Variants in CD5 observed in about 807,000 individuals in gnomAD.
CD5 encodes CD5 molecule.
CD5 carries 36 observed loss-of-function variants against 60.3 expected under a neutral mutation model. The ratio of observed to expected loss-of-function variants is 0.60; its 90% confidence interval spans 0.46 to 0.79. The LOEUF (loss-of-function observed/expected upper bound fraction) is 0.79, where lower values mean the gene tolerates loss of function less well. Ranked by LOEUF, CD5 falls within the 30% of genes least tolerant of loss-of-function variation. The pLI, the probability that CD5 is intolerant of heterozygous loss-of-function variation, is 0.00. For missense variants in CD5, 540 were observed against 630.6 expected (o/e 0.86, Z 1.54); for synonymous variants, 230 against 257.6 (o/e 0.89, Z 1.03).
Position 61,102,588 on chromosome 11 carries a change from GCCA to G in CD5, c.31_33del (p.Thr11del), listed in dbSNP as rs1565181714. The G allele has an allele frequency of 6.3e-7, 1 of 1,593,312 alleles. No individual in the cohort carries two copies. Among genetic ancestry groups the G allele is most frequent in the Admixed American group, 1.7e-5 (1 of 57,408 alleles). On this transcript the variant is annotated inframe_deletion, in exon 1 of 11. Coordinates refer to ENST00000347785, the MANE Select transcript of CD5 (RefSeq NM_014207.4). Reference sequence around the variant, plus strand: ...GCCCATGGGGTCTCTGCAACCGCTGGCCACCTTGTACCTGCTGGGGATGCTGGG... The same window carrying G: ...GCCCATGGGGTCTCTGCAACCGCTGGCCTTGTACCTGCTGGGGATGCTGGG...
At chr11:61,097,194 T>A in the CD5 span, among the ~76,000 whole-genome samples, 7 of 152,252 alleles carry the variant, frequency 4.6e-5, no homozygotes, top group Admixed American at 6.5e-5. Flanking sequence ...TGTCACTTCA[T>A]GTTATGTATG....
At chr11:61,096,268 C>G in the CD5 span, among the ~76,000 whole-genome samples, 1 of 152,238 alleles carries the variant, frequency 6.6e-6, no homozygotes, top group Non-Finnish European at 1.5e-5. Context: ...CAAGGTGATT[C>G]AGAACAAAAG....
chr11:61,101,660 TCACA>T (rs1020877395), upstream of CD5, among the ~76,000 whole-genome samples: 1 of 133,216 alleles, frequency 7.5e-6, no homozygotes, highest in South Asian at 2.4e-4. Flanking sequence ...AACATGGAGA[TCACA>T]CACACATCAA....
At position 61,121,767 on chromosome 11, in the gene CD5, G is replaced by C; in HGVS notation, c.962G>C (p.Cys321Ser). 2 of 1,612,402 alleles carry C rather than the reference G, an allele frequency of 1.2e-6. No homozygotes were observed. Among genetic ancestry groups the C allele is most frequent in the Non-Finnish European group, 1.7e-6 (2 of 1,178,826 alleles). ...GAGGAGGTGTGCCGGGAGCAGCAGT[G>C]TGGCAGCGTCAACTCCTATCGAGTG... The part of the protein sequence containing the change: ...RWEEVCREQQ[C>S]GSVNSYRVLD... Residue 321 changes from cysteine (C) to serine (S), a missense_variant, in exon 6 of 11, where the codon TGT becomes TCT. By Grantham distance (112) the Cys-to-Ser change is moderately radical. Transcript: ENST00000347785.
chr11:61,121,891 G>A lies in CD5; in HGVS notation c.1086G>A (p.Lys362=), dbSNP rs1861065301. The A allele has an allele frequency of 4.5e-6, 7 of 1,545,048 alleles. No homozygotes were observed. Among genetic ancestry groups the A allele is most frequent in the South Asian group, 1.2e-5 (1 of 81,752 alleles). Residue 362 remains lysine, a synonymous_variant, in exon 6 of 11, where the codon AAG becomes AAA. Coordinates refer to ENST00000347785, the MANE Select transcript of CD5 (RefSeq NM_014207.4). ...GGGAGAGAAATTCCTACTGCAAGAA[G>A]GTGTTTGTCACATGTGAGTTGGCCA... ...ELWERNSYCK[K]VFVTCQDPNP...
the CD5 span, among the ~76,000 whole-genome samples, chr11:61,096,295 A>C: frequency 6.6e-6 from 1 of 152,238 alleles, no homozygotes; most frequent in East Asian, 1.9e-4. Flanking sequence ...GATAAAGATG[A>C]GGGAGCTTTG....
intron 2 of CD5, among the ~76,000 whole-genome samples, chr11:61,116,739 CCA>C (rs1406857097): frequency 7.6e-6 from 1 of 131,188 alleles, no homozygotes; most frequent in Non-Finnish European, 1.6e-5. Context: ...CACACACACA[CCA>C]CATACACCAC....
At chr11:61,117,879 G>C (rs1212877217) in intron 2 of CD5, among the ~76,000 whole-genome samples, 1 of 152,232 alleles carries the variant, frequency 6.6e-6, no homozygotes. Flanking sequence ...TTCCAGGACA[G>C]GGGCCATCCT....
chr11:61,107,975 G>T (rs1860800486), intron 1 of CD5, among the ~76,000 whole-genome samples: 1 of 152,144 alleles, frequency 6.6e-6, no homozygotes, highest in African/African-American at 2.4e-5. Context: ...CCCTGGGGTA[G>T]ACTCCCACAG....
intron 1 of CD5, among the ~76,000 whole-genome samples, chr11:61,109,020 T>G (rs1415764881): frequency 6.6e-6 from 1 of 152,172 alleles, no homozygotes; most frequent in Admixed American, 6.5e-5. Context: ...CGGCAGGACC[T>G]AGGAGTGAGC....
In CD5 at chr11:61,118,160, C is replaced by A; in HGVS notation, c.95-15C>A. The A allele has an allele frequency of 6.2e-7, 1 of 1,609,804 alleles. No homozygotes were observed. Among genetic ancestry groups the A allele is most frequent in the Non-Finnish European group, 8.5e-7 (1 of 1,176,904 alleles). On this transcript the variant is annotated splice_polypyrimidine_tract_variant and intron_variant, in intron 2 of 10. Transcript: ENST00000347785. This position sits in a 1 kb window ranked among gnomAD's most constrained non-coding sequence, Gnocchi z 4.7. The stretch of plus-strand genomic sequence containing the variant: ...CCTCCCAGCCTGACCCCCACCACAC[C>A]TTTCTGACCCCCAGATTTCCAGGCA...
Position 61,102,590 on chromosome 11 carries a change from C to T in CD5, c.30C>T (p.Ala10=), listed in dbSNP as rs1185630263. ...CCATGGGGTCTCTGCAACCGCTGGCCACCTTGTACCTGCTGGGGATGCTGG... is the reference window on the plus strand; with the variant it reads ...CCATGGGGTCTCTGCAACCGCTGGCTACCTTGTACCTGCTGGGGATGCTGG... MPMGSLQPL[A]TLYLLGMLVA... The change falls in exon 1 of 11, where the codon GCC becomes GCT. Residue 10 remains alanine (A), a synonymous_variant. Transcript: ENST00000347785. 1.9e-6 allele frequency: 3 copies of T among 1,593,300 alleles called. No homozygotes were observed. The highest frequency in any genetic ancestry group is 2.6e-6 in the Non-Finnish European group (3 of 1,169,386).
Position 61,102,607 on chromosome 11 carries a change from G to C in CD5, c.47G>C (p.Gly16Ala). 1 of 1,590,374 alleles carries C rather than the reference G, an allele frequency of 6.3e-7. No homozygotes were observed. Among genetic ancestry groups the C allele is most frequent in the Non-Finnish European group, 8.6e-7 (1 of 1,167,906 alleles). ...CCGCTGGCCACCTTGTACCTGCTGG[G>C]GATGCTGGGTGAGTACCCCTCCCAG... ...LQPLATLYLLGMLVASCLGRL... is the reference protein window; with the variant it reads ...LQPLATLYLLAMLVASCLGRL... The change falls in exon 1 of 11, where the codon GGG becomes GCG. Residue 16 changes from glycine (G) to alanine (A), a missense_variant. Gly to Ala is a moderately conservative substitution (Grantham distance 60). Coordinates refer to ENST00000347785, the MANE Select transcript of CD5 (RefSeq NM_014207.4).
chr11:61,098,314 C>T (rs1031143539), upstream of CD5, among the ~76,000 whole-genome samples: 9 of 152,218 alleles, frequency 5.9e-5, no homozygotes, highest in African/African-American at 2.2e-4. Flanking sequence ...CACTATTGAT[C>T]TGTCTTGCAA....
chr11:61,098,438 C>T (rs1590762027), upstream of CD5, among the ~76,000 whole-genome samples: 1 of 151,962 alleles, frequency 6.6e-6, no homozygotes, highest in African/African-American at 2.4e-5. Context: ...CAATTTCTGC[C>T]TCCAAAGAAA....
chr11:61,100,370 C>T (rs1860651100), upstream of CD5, among the ~76,000 whole-genome samples: 1 of 140,264 alleles, frequency 7.1e-6, no homozygotes, highest in Admixed American at 7.1e-5. Flanking sequence ...TCACACACAT[C>T]AACATGGAGA....
At chr11:61,119,029 C>G in intron 4 of CD5, 52 bp downstream of exon 4, 1 of 1,428,816 alleles carries the variant, frequency 7.0e-7, no homozygotes, top group Non-Finnish European at 9.7e-7. Context: ...AAATAAAAAC[C>G]CAGGATGCCC....
chr11:61,095,346 G>T, the CD5 span, among the ~76,000 whole-genome samples: 2 of 152,226 alleles, frequency 1.3e-5, no homozygotes, highest in Non-Finnish European at 2.9e-5. Context: ...GGTAGATGAG[G>T]ACGGACACAT....
At chr11:61,102,456 G>A, upstream of CD5, 2 of 535,242 alleles carry the variant, frequency 3.7e-6, no homozygotes, top group South Asian at 1.9e-5. Context: ...CCCTCCCTGA[G>A]CACGCCACCC....
Sources: allele counts gnomAD v4.1 joint callset (sites outside exome capture counted in the v4.1 genomes callset), GRCh38; gene constraint gnomAD v4.1.1; non-coding constraint Gnocchi (gnomAD v3.1); transcripts MANE v1.5; gene names NCBI Gene and HGNC (gene_info 2026-07-23, HGNC 2026-07-21).